MSI2: variants seen among roughly 807,000 people sequenced by gnomAD.
The protein encoded by MSI2 is musashi RNA binding protein 2, also known as RNA-binding protein Musashi homolog 2.
MSI2 carries 17 observed loss-of-function variants against 45.6 expected under a neutral mutation model. That is an observed-to-expected ratio of 0.37 (90% CI 0.26 to 0.56). The LOEUF (loss-of-function observed/expected upper bound fraction) is 0.56, where lower values mean the gene tolerates loss of function less well. Ranked by LOEUF, MSI2 falls within the 20% of genes least tolerant of loss-of-function variation. The pLI, the probability that MSI2 is intolerant of heterozygous loss-of-function variation, is 0.77. For missense variants in MSI2, 293 were observed against 444.2 expected (o/e 0.66, Z 3.06); for synonymous variants, 156 against 158.2 (o/e 0.99, Z 0.11).
intron 6 of MSI2, among the ~76,000 whole-genome samples, chr17:57,474,728 G>A (rs1567845759): frequency 6.6e-6 from 1 of 151,642 alleles, no homozygotes; most frequent in Non-Finnish European, 1.5e-5. Context: ...TTTTGTTTTT[G>A]TTTTTGTTTG....
At chr17:57,284,588 C>T (rs1909706249) in intron 5 of MSI2, among the ~76,000 whole-genome samples, 1 of 152,164 alleles carries the variant, frequency 6.6e-6, no homozygotes, top group African/African-American at 2.4e-5. Context: ...TGTAATCCCA[C>T]GTAAAACACT....
chr17:57,379,944 G>A (rs1218041618), intron 5 of MSI2, among the ~76,000 whole-genome samples: 2 of 149,478 alleles, frequency 1.3e-5, no homozygotes, highest in African/African-American at 4.9e-5. Context: ...TCTTTTTTTT[G>A]TTTTCCTTTT....
chr17:57,287,685 T>G (rs1264792378), intron 5 of MSI2, among the ~76,000 whole-genome samples: 3 of 152,170 alleles, frequency 2.0e-5, no homozygotes, highest in Admixed American at 1.3e-4. Flanking sequence ...CCCTGCCTGG[T>G]TGAAACCTTC....
chr17:57,616,909 A>G (rs958081232), intron 9 of MSI2, among the ~76,000 whole-genome samples: 2 of 152,262 alleles, frequency 1.3e-5, no homozygotes, highest in Non-Finnish European at 2.9e-5. Context: ...GAAAATACTA[A>G]TTAAGTGGGA....
intron 5 of MSI2, among the ~76,000 whole-genome samples, chr17:57,384,033 C>T (rs1434551880): frequency 1.3e-5 from 2 of 152,228 alleles, no homozygotes; most frequent in Admixed American, 1.3e-4. Flanking sequence ...AAAACTGACT[C>T]TTCATCCTAC....
intron 6 of MSI2, among the ~76,000 whole-genome samples, chr17:57,438,302 C>G (rs1345469581): frequency 1.3e-5 from 2 of 152,108 alleles, no homozygotes; most frequent in South Asian, 4.1e-4. Flanking sequence ...TAGCCTCCCC[C>G]CAGGGGGAGT....
At chr17:57,415,364 G>C (rs2084275284) in intron 6 of MSI2, among the ~76,000 whole-genome samples, 2 of 151,220 alleles carry the variant, frequency 1.3e-5, no homozygotes, top group Non-Finnish European at 2.9e-5. Flanking sequence ...CTGCCAGACT[G>C]TCGGGAATTA....
At chr17:57,690,850 T>C in the MSI2 span, among the ~76,000 whole-genome samples, 156 of 152,362 alleles carry the variant, frequency 1.0e-3, no homozygotes, top group African/African-American at 3.3e-3. Context: ...AAGAAATCTT[T>C]GTCTAACTCA....
intron 10 of MSI2, among the ~76,000 whole-genome samples, chr17:57,638,666 G>A (rs1218693675): frequency 6.6e-6 from 1 of 152,170 alleles, no homozygotes; most frequent in Admixed American, 6.5e-5. Flanking sequence ...AAGGCGGGAG[G>A]GTTTCTTGAG....
the MSI2 span, among the ~76,000 whole-genome samples, chr17:57,696,974 A>G: frequency 6.6e-6 from 1 of 152,246 alleles, no homozygotes; most frequent in East Asian, 1.9e-4. Flanking sequence ...TGATGAGCTT[A>G]GGAGAATATT....
At chr17:57,619,467 G>T (rs755677534) in intron 9 of MSI2, among the ~76,000 whole-genome samples, 19 of 152,248 alleles carry the variant, frequency 1.2e-4, no homozygotes, top group South Asian at 2.1e-4. Flanking sequence ...GCCAGTCTTA[G>T]GAATCAGGGA....
intron 9 of MSI2, among the ~76,000 whole-genome samples, chr17:57,625,414 A>G (rs1223597130): frequency 6.6e-6 from 1 of 152,214 alleles, no homozygotes; most frequent in Admixed American, 6.5e-5. Flanking sequence ...CAGCAGGATG[A>G]CAAGCAAACT....
At chr17:57,498,881 T>C (rs2086037057) in intron 6 of MSI2, among the ~76,000 whole-genome samples, 1 of 151,880 alleles carries the variant, frequency 6.6e-6, no homozygotes, top group African/African-American at 2.4e-5. Flanking sequence ...ACTCGTCATT[T>C]ACATTAGGTA....
rs1567754859 is a variant in MSI2 at position 57,319,612 on chromosome 17, CTT to C, written c.312+57421_312+57422del. 2.6e-5 allele frequency among the ~76,000 whole-genome samples: 4 copies of C among 152,226 alleles called. No homozygotes were observed. The East Asian group carries it at 7.7e-4, about 29-fold the overall frequency. On this transcript the variant is annotated intron_variant, in intron 5 of 13. Coordinates refer to ENST00000284073, the MANE Select transcript of MSI2 (RefSeq NM_138962.4). Reference sequence around the variant, plus strand: ...TTAATCCTGAACAAAACAAAACCCTCTTGAGTAGGGGTTTGTTTTTGACAGGG... The same window carrying C: ...TTAATCCTGAACAAAACAAAACCCTCGAGTAGGGGTTTGTTTTTGACAGGG...
intron 7 of MSI2, among the ~76,000 whole-genome samples, chr17:57,575,147 T>TCCCCCCCCCCCACCC (rs371180511): frequency 8.4e-6 from 1 of 119,544 alleles, no homozygotes; most frequent in Non-Finnish European, 1.7e-5. Context: ...CTTTTTTAAC[T>TCCCCCCCCCCCACCC]CCCTCCCCCC....
intron 6 of MSI2, among the ~76,000 whole-genome samples, chr17:57,428,194 T>C (rs72833039): frequency 0.011 from 1,627 of 152,280 alleles, 22 homozygotes; most frequent in Non-Finnish European, 0.015. Context: ...CTTTGGAGAT[T>C]AGATGGTAGG....
chr17:57,404,824 G>A (rs2143129564), intron 6 of MSI2, among the ~76,000 whole-genome samples: 1 of 152,194 alleles, frequency 6.6e-6, no homozygotes, highest in Non-Finnish European at 1.5e-5. Context: ...TTAAATTGGA[G>A]GCTTGTAAAC....
At chr17:57,473,370 A>G (rs182851287) in intron 6 of MSI2, among the ~76,000 whole-genome samples, 45 of 152,302 alleles carry the variant, frequency 3.0e-4, no homozygotes, top group African/African-American at 1.1e-3. Flanking sequence ...CTCATTCCCC[A>G]AAGAGAGATT....
At chr17:57,520,357 G>A (rs546803431) in intron 6 of MSI2, among the ~76,000 whole-genome samples, 153 of 152,294 alleles carry the variant, frequency 1.0e-3, no homozygotes, top group African/African-American at 3.6e-3. Context: ...GTGTCCCTTT[G>A]TTGAATTCAT....
Sources: gnomAD v4.1 joint callset for allele counts (sites outside exome capture counted in the v4.1 genomes callset) on GRCh38, gnomAD v4.1.1 for gene constraint, MANE v1.5 for transcripts, NCBI Gene and HGNC (gene_info 2026-07-23, HGNC 2026-07-21) for gene names.